The following MOGAT1 variants were observed in gnomAD, a reference collection of about 807,000 sequenced individuals.
The protein encoded by MOGAT1 is monoacylglycerol O-acyltransferase 1.
MOGAT1 carries 32 observed loss-of-function variants against 31.4 expected under a neutral mutation model. The ratio of observed to expected loss-of-function variants is 1.02; its 90% CI spans 0.77 to 1.37. The LOEUF is 1.37. MOGAT1 is among the 40% of genes most tolerant of loss of function. MOGAT1 has a pLI of 0.00. For missense variants in MOGAT1, 426 were observed against 402.0 expected, an observed-to-expected ratio of 1.06 and a Z score of -0.51; for synonymous variants, 145 against 144.5, an observed-to-expected ratio of 1.00 and a Z score of -0.03.
At chr2:222,689,547 G>A in intron 3 of MOGAT1, 78 bp downstream of exon 3, 4 of 1,343,228 alleles carry the variant, frequency 3.0e-6, no homozygotes. Context: ...CCAGGCCCAT[G>A]TGTGTTTATG....
At chr2:222,688,276 T>G in intron 1 of MOGAT1, 68 bp from the exon 2 acceptor site, 1 of 1,287,394 alleles carries the variant, frequency 7.8e-7, no homozygotes, top group Non-Finnish European at 1.1e-6. Context: ...TTAATCCCCC[T>G]GCCATGGGCC....
At chr2:222,699,711 G>A (rs6742431) in intron 5 of MOGAT1, among the ~76,000 whole-genome samples, 62,847 of 151,484 alleles carry the variant, frequency 0.41, 13,440 homozygotes, top group Middle Eastern at 0.49. Flanking sequence ...TGTTAGCCAG[G>A]ATGGTCTTGA....
intron 1 of MOGAT1, among the ~76,000 whole-genome samples, chr2:222,687,991 T>C (rs898574260): frequency 1.3e-5 from 2 of 152,214 alleles, no homozygotes; most frequent in African/African-American, 4.8e-5. Flanking sequence ...AACCCTTCGA[T>C]AAGCTTCCAT....
In MOGAT1 at chr2:222,701,296, GGAGGA is replaced by G. The variant is rs748102702; in HGVS notation, c.853+6012_853+6016del. Among the ~76,000 whole-genome samples the G allele has an allele frequency of 7.2e-3, 685 of 94,650 alleles. 6 individuals are homozygous for G. Among genetic ancestry groups the G allele is most frequent in the Middle Eastern group, 0.02 (4 of 202 alleles). 62.1% of individuals were successfully genotyped at this position (94,650 alleles called of 152,430 possible). A position where few individuals can be genotyped will look rare whatever the true frequency, so the allele number is the denominator to read the frequency against. ...AAAAAGAGAGAGAGAGAGAGGAGGAGGAGGAGAGAGAGAGAGAGAGAGAGAGAGAG... is the reference window on the plus strand; with the variant it reads ...AAAAAGAGAGAGAGAGAGAGGAGGAGGAGAGAGAGAGAGAGAGAGAGAGAG... On this transcript the variant is annotated intron_variant, in intron 5 of 5. Coordinates refer to ENST00000446656, the MANE Select transcript of MOGAT1 (RefSeq NM_058165.3).
chr2:222,690,522 A>T (rs112486618), intron 3 of MOGAT1, among the ~76,000 whole-genome samples: 2,654 of 152,172 alleles, frequency 0.017, 68 homozygotes, highest in African/African-American at 0.061. Flanking sequence ...TTGCCACTGC[A>T]CTCCAGCCCG....
chr2:222,697,115 C>T (rs2106041096), intron 5 of MOGAT1, among the ~76,000 whole-genome samples: 1 of 152,206 alleles, frequency 6.6e-6, no homozygotes, highest in East Asian at 1.9e-4. Flanking sequence ...GATTGGAGAG[C>T]TAAAATGAGA....
chr2:222,694,038 G>A (rs761893895), intron 3 of MOGAT1, among the ~76,000 whole-genome samples: 8 of 152,144 alleles, frequency 5.3e-5, no homozygotes, highest in Non-Finnish European at 5.9e-5. Context: ...AGGGGCAGGG[G>A]ATCCTTTTAC....
At chr2:222,703,486 A>C (rs776046957) in intron 5 of MOGAT1, among the ~76,000 whole-genome samples, 3 of 152,064 alleles carry the variant, frequency 2.0e-5, no homozygotes, top group Non-Finnish European at 2.9e-5. Context: ...TTAGGGTGGC[A>C]TGTTCTTCCA....
At chr2:222,690,429 C>T (rs1418514431) in intron 3 of MOGAT1, among the ~76,000 whole-genome samples, 1 of 151,924 alleles carries the variant, frequency 6.6e-6, no homozygotes, top group Non-Finnish European at 1.5e-5. Context: ...TGGTAGTGGG[C>T]GCCTGTAATC....
At chr2:222,704,294 A>C (rs936879508) in intron 5 of MOGAT1, among the ~76,000 whole-genome samples, 3 of 152,096 alleles carry the variant, frequency 2.0e-5, no homozygotes, top group African/African-American at 7.2e-5. Context: ...CTGTGGAGAG[A>C]GAAAATTCTG....
intron 5 of MOGAT1, among the ~76,000 whole-genome samples, chr2:222,703,695 T>C (rs1692963376): frequency 6.6e-6 from 1 of 152,212 alleles, no homozygotes; most frequent in African/African-American, 2.4e-5. Context: ...TTTTAACCCT[T>C]GTCGGCCACA....
chr2:222,687,113 C>CAAAAAAA (rs1177781176), intron 1 of MOGAT1, among the ~76,000 whole-genome samples: 4 of 22,462 alleles, frequency 1.8e-4, no homozygotes, highest in Non-Finnish European at 2.5e-4. Context: ...GACTCCATCT[C>CAAAAAAA]AAAAAAAAAA....
intron 1 of MOGAT1, among the ~76,000 whole-genome samples, chr2:222,676,235 C>T (rs1692496138): frequency 6.6e-6 from 1 of 151,654 alleles, no homozygotes. Context: ...GATCCTCCCA[C>T]CTTGACCTCT....
intron 1 of MOGAT1, among the ~76,000 whole-genome samples, chr2:222,682,039 A>G (rs1692587772): frequency 6.6e-6 from 1 of 152,214 alleles, no homozygotes. Context: ...TAAAATAAAA[A>G]TTTTTGAAAA....
At chr2:222,696,293 T>C (rs1692835642) in intron 5 of MOGAT1, among the ~76,000 whole-genome samples, 1 of 152,250 alleles carries the variant, frequency 6.6e-6, no homozygotes, top group African/African-American at 2.4e-5. Context: ...AGTAGTGGGA[T>C]TGCTAGATCA....
At chr2:222,671,930 C>T in intron 1 of MOGAT1, 51 bp downstream of exon 1, 4 of 1,404,664 alleles carry the variant, frequency 2.8e-6, no homozygotes, top group African/African-American at 1.4e-5. Context: ...TATCCTCCCT[C>T]GGGACGGTCC....
At chr2:222,708,449 C>A (rs966534322) in intron 5 of MOGAT1, among the ~76,000 whole-genome samples, 1 of 152,138 alleles carries the variant, frequency 6.6e-6, no homozygotes, top group Admixed American at 6.6e-5. Flanking sequence ...GCAGCGAGTG[C>A]AAGAGCCAAA....
intron 5 of MOGAT1, chr2:222,698,559 G>A (rs539786503): frequency 5.3e-5 from 8 of 152,182 alleles, no homozygotes; most frequent in Non-Finnish European, 1.0e-4. Flanking sequence ...CCAGTGTCTC[G>A]AGTAGCCCTT....
chr2:222,694,264 T>C (rs2106039703), intron 3 of MOGAT1, 98 bp from the exon 4 acceptor site: 1 of 1,165,980 alleles, frequency 8.6e-7, no homozygotes, highest in African/African-American at 1.6e-5. Context: ...GTGTAGGAAA[T>C]TTTGTTAAAT....
Sources: gnomAD v4.1 joint callset for allele counts (sites outside exome capture counted in the v4.1 genomes callset) on GRCh38, gnomAD v4.1.1 for gene constraint, MANE v1.5 for transcripts, NCBI Gene and HGNC (gene_info 2026-07-23, HGNC 2026-07-21) for gene names.